Variants in SLC41A1 observed in about 807,000 individuals in gnomAD.
The protein encoded by SLC41A1 is solute carrier family 41 (magnesium transporter), member 1.
Under a neutral mutation model 47.3 loss-of-function variants are expected in SLC41A1, and 20 were observed. The observed-to-expected ratio is 0.42, with a 90% CI of 0.30 to 0.61. The LOEUF is 0.61. Among genes scored for constraint, SLC41A1 ranks in the 20% least tolerant of loss-of-function variants. The pLI is 0.17. For missense variants in SLC41A1, 504 were observed against 674.1 expected (o/e 0.75, Z 2.79); for synonymous variants, 282 against 272.7 (o/e 1.03, Z -0.34).
At chr1:205,799,962 G>A (rs775818716) in intron 3 of SLC41A1, 132 bp from the exon 4 acceptor site, 17 of 772,674 alleles carry the variant, frequency 2.2e-5, no homozygotes, top group Admixed American at 6.7e-5. Context: ...TGACAGTCCC[G>A]GAAAGGTGAA....
intron 10 of SLC41A1, among the ~76,000 whole-genome samples, chr1:205,792,893 C>A (rs541644813): frequency 2.6e-5 from 4 of 152,118 alleles, no homozygotes; most frequent in South Asian, 2.1e-4. Context: ...GAAGCCAGAA[C>A]TGATACCTAT....
chr1:205,791,895 A>G lies in SLC41A1; in HGVS notation c.1357-177T>C, dbSNP rs1655636528. 6.6e-6 allele frequency among the ~76,000 whole-genome samples: 1 copy of G among 152,034 alleles called. No individual in the cohort carries two copies. Among genetic ancestry groups the G allele is most frequent in the Admixed American group, 6.6e-5 (1 of 15,260 alleles). ...TGTGTTTCTCCACCCCACAATTACCACTTTGAGCAGACAACAGGCACAATA... is the reference window on the plus strand; with the variant it reads ...TGTGTTTCTCCACCCCACAATTACCGCTTTGAGCAGACAACAGGCACAATA... On this transcript the variant is annotated intron_variant, in intron 10 of 10. Coordinates refer to ENST00000367137, the MANE Select transcript of SLC41A1 (RefSeq NM_173854.6). The surrounding 1 kb of genome is among the most constrained non-coding windows in gnomAD (Gnocchi z 4.0).
At chr1:205,803,534 G>A (rs1045389165) in intron 2 of SLC41A1, among the ~76,000 whole-genome samples, 6 of 151,926 alleles carry the variant, frequency 3.9e-5, no homozygotes, top group Middle Eastern at 3.4e-3. Context: ...CCACAACATG[G>A]ATGAACCTTG....
At chr1:205,811,657 C>T (rs938769888) in intron 1 of SLC41A1, among the ~76,000 whole-genome samples, 1 of 152,196 alleles carries the variant, frequency 6.6e-6, no homozygotes, top group South Asian at 2.1e-4. Flanking sequence ...TCTGAGAAAA[C>T]AAAACAAAGC....
chr1:205,803,072 G>A, intron 2 of SLC41A1, among the ~76,000 whole-genome samples: 1 of 152,164 alleles, frequency 6.6e-6, no homozygotes. Context: ...GGGAGGCTGA[G>A]GCAGAAGAAT....
intron 10 of SLC41A1, among the ~76,000 whole-genome samples, chr1:205,793,924 T>G (rs1655682822): frequency 6.6e-6 from 1 of 152,230 alleles, no homozygotes; most frequent in South Asian, 2.1e-4. Flanking sequence ...AGAAGACTTT[T>G]CACTGAGGTT....
At chr1:205,812,579 C>G (rs960645589) in intron 1 of SLC41A1, among the ~76,000 whole-genome samples, 3 of 152,248 alleles carry the variant, frequency 2.0e-5, no homozygotes, top group African/African-American at 7.2e-5. Flanking sequence ...TTCAGACAGG[C>G]CTAAGGCCCT....
In SLC41A1 at chr1:205,813,180, A is replaced by G. The variant is rs1656205843; in HGVS notation, c.-1019T>C. ...CCAACTGGTTGGCTGCCGGTGGCAA[A>G]CGTGATCTGGGGCAGACTGGGTGGC... On this transcript the variant is annotated 5_prime_UTR_variant, in exon 1 of 11. Coordinates refer to ENST00000367137, the MANE Select transcript of SLC41A1 (RefSeq NM_173854.6). The G allele has an allele frequency of 8.1e-6, 8 of 985,218 alleles. No individual in the cohort carries two copies. The South Asian group carries it at 2.3e-4, about 29-fold the overall frequency. 61.0% of individuals were successfully genotyped at this position (985,218 alleles called of 1,614,324 possible).
chr1:205,802,253 G>A (rs938252977), intron 2 of SLC41A1, among the ~76,000 whole-genome samples: 1 of 152,154 alleles, frequency 6.6e-6, no homozygotes, highest in Non-Finnish European at 1.5e-5. Flanking sequence ...GTCTCCTACA[G>A]GAGACAGCAG....
rs1291676365 is a variant in SLC41A1, at chr1:205,791,342, G to T, written c.*191C>A. 4.3e-6 allele frequency: 3 copies of T among 696,190 alleles called. No individual in the cohort carries two copies. Among genetic ancestry groups the T allele is most frequent in the Non-Finnish European group, 7.4e-6 (3 of 406,836 alleles). The allele number at this position is 696,190 out of a possible 1,614,324, so 43.1% of individuals were successfully genotyped here. ...TTGTACTGCTTATCTCAGGCCATCT[G>T]TGTTTCCCAAATTCTTGCTATACAA... is the stretch of plus-strand genomic sequence containing the variant. On this transcript the variant is annotated 3_prime_UTR_variant, in exon 11 of 11. Transcript: ENST00000367137. The surrounding 1 kb of genome is among the most constrained non-coding windows in gnomAD (Gnocchi z 4.0).
At position 205,810,652 on chromosome 1, in the gene SLC41A1, A is replaced by G; in HGVS notation, c.-211T>C. The G allele has an allele frequency of 1.5e-6, 1 of 683,400 alleles. No homozygotes were observed. The highest frequency in any genetic ancestry group is 2.8e-5 in the Admixed American group (1 of 35,558). The allele number at this position is 683,400 out of a possible 1,614,324, so 42.3% of individuals were successfully genotyped here. ...CAAGCACTGAAGCCGCAAGCTGGGA[A>G]GAAACAAGAAATTCCTCACCAGACA... On this transcript the variant is annotated 5_prime_UTR_variant, in exon 2 of 11. Coordinates refer to ENST00000367137, the MANE Select transcript of SLC41A1 (RefSeq NM_173854.6). The surrounding 1 kb of genome is among the most constrained non-coding windows in gnomAD (Gnocchi z 5.5).
intron 4 of SLC41A1, among the ~76,000 whole-genome samples, chr1:205,799,490 C>T (rs1219621041): frequency 1.3e-5 from 2 of 152,198 alleles, no homozygotes; most frequent in African/African-American, 4.8e-5. Flanking sequence ...CTCAGCACTC[C>T]TGAGTCTGCT....
chr1:205,791,167 C>T lies in SLC41A1; in HGVS notation c.*366G>A, dbSNP rs1348501303. On this transcript the variant is annotated 3_prime_UTR_variant, in exon 11 of 11. Coordinates refer to ENST00000367137, the MANE Select transcript of SLC41A1 (RefSeq NM_173854.6). The surrounding 1 kb of genome is among the most constrained non-coding windows in gnomAD (Gnocchi z 4.0). Reference sequence around the variant, plus strand: ...AACAAAACCAAAAATCCAGAGCCCACTTACAAAGGGTTTCTCATTAGGGCC... The same window carrying T: ...AACAAAACCAAAAATCCAGAGCCCATTTACAAAGGGTTTCTCATTAGGGCC... 2.7e-5 allele frequency: 8 copies of T among 293,094 alleles called. No individual in the cohort carries two copies. Among genetic ancestry groups the T allele is most frequent in the Non-Finnish European group, 2.0e-5 (3 of 152,662 alleles). The allele number at this position is 293,094 out of a possible 1,614,324, so 18.2% of individuals were successfully genotyped here. A position where few individuals can be genotyped will look rare whatever the true frequency, so the allele number is the denominator to read the frequency against.
chr1:205,795,312 C>T lies in SLC41A1; in HGVS notation c.1207+32G>A, dbSNP rs75453372. On this transcript the variant is annotated intron_variant, in intron 9 of 10. Transcript: ENST00000367137. ...CTCACTGACAGTAGGCCCACTCCCC[C>T]CAGGGCTGGGAGGCTGGGAATCTGC... 5 of 1,614,016 alleles carry T rather than the reference C, an allele frequency of 3.1e-6. No individual in the cohort carries two copies. In the East Asian group the frequency reaches 8.9e-5, roughly 29 times the overall value.
chr1:205,810,278 G>T lies in SLC41A1; in HGVS notation c.164C>A (p.Ala55Asp). 1.2e-6 allele frequency: 2 copies of T among 1,614,166 alleles called. No individual in the cohort carries two copies. The highest frequency in any genetic ancestry group is 1.7e-6 in the Non-Finnish European group (2 of 1,180,042). ...CTCCTCCCGAACCCCCTTGGCGTTG[G>T]CCCGAGACTCAATCACCACCTCTAC... ...AGVEVVIESRANAKGVREEDA... is the reference protein window; with the variant it reads ...AGVEVVIESRDNAKGVREEDA... Residue 55 changes from alanine (A) to aspartate (D), a missense_variant, in exon 2 of 11, where the codon GCC (alanine) becomes GAC (aspartate). Physicochemically the swap from Ala to Asp is moderately radical, Grantham distance 126 (BLOSUM62 -2). Coordinates refer to ENST00000367137, the MANE Select transcript of SLC41A1 (RefSeq NM_173854.6). The surrounding 1 kb of genome is among the most constrained non-coding windows in gnomAD (Gnocchi z 5.5).
intron 2 of SLC41A1, among the ~76,000 whole-genome samples, chr1:205,806,451 T>C (rs1222962945): frequency 1.3e-5 from 2 of 152,244 alleles, no homozygotes; most frequent in Non-Finnish European, 2.9e-5. Context: ...GGACCTGTCT[T>C]AACCTAGCTG....
intron 2 of SLC41A1, among the ~76,000 whole-genome samples, chr1:205,802,878 T>C (rs1246086657): frequency 6.6e-6 from 1 of 151,690 alleles, no homozygotes; most frequent in African/African-American, 2.4e-5. Flanking sequence ...AGCAAGGATG[T>C]AGAGTTTGGG....
At chr1:205,795,700 C>T in intron 8 of SLC41A1, 1 of 624,104 alleles carries the variant, frequency 1.6e-6, no homozygotes, top group Non-Finnish European at 2.8e-6. Flanking sequence ...CAGCCTCCCC[C>T]ATCCTCCCCT....
At chr1:205,798,145 A>T in intron 6 of SLC41A1, 94 bp from the exon 7 acceptor site, 1 of 1,549,882 alleles carries the variant, frequency 6.5e-7, no homozygotes, top group Non-Finnish European at 8.8e-7. Flanking sequence ...ACAGATCAAT[A>T]GCAAGACTAC....
Sources: gnomAD v4.1 joint callset for allele counts (sites outside exome capture counted in the v4.1 genomes callset) on GRCh38, gnomAD v4.1.1 for gene constraint, Gnocchi (gnomAD v3.1) non-coding constraint, MANE v1.5 for transcripts, NCBI Gene and HGNC (gene_info 2026-07-23, HGNC 2026-07-21) for gene names.